Variants in HACD3 observed in about 807,000 individuals in gnomAD.
HACD3 encodes very-long-chain (3R)-3-hydroxyacyl-CoA dehydratase 3.
HACD3 carries 30 observed loss-of-function variants against 55.2 expected under a neutral mutation model. That is an observed-to-expected ratio of 0.54 (90% CI 0.41 to 0.74). HACD3 has a LOEUF of 0.74. Among genes scored for constraint, HACD3 ranks in the 30% least tolerant of loss-of-function variants. The pLI, the probability that HACD3 is intolerant of heterozygous loss-of-function variation, is 0.00. For missense variants in HACD3, 363 were observed against 440.1 expected, an observed-to-expected ratio of 0.82 and a Z score of 1.57; for synonymous variants, 141 against 151.7, an observed-to-expected ratio of 0.93 and a Z score of 0.52.
intron 1 of HACD3, among the ~76,000 whole-genome samples, chr15:65,548,149 G>A (rs761304236): frequency 6.6e-6 from 1 of 152,090 alleles, no homozygotes; most frequent in Non-Finnish European, 1.5e-5. Flanking sequence ...TAGTTGCCAG[G>A]GTCTGTGTGT....
At chr15:65,531,395 A>T (rs1334399843) in intron 1 of HACD3, 1 of 152,214 alleles carries the variant, frequency 6.6e-6, no homozygotes, top group Non-Finnish European at 1.5e-5. Flanking sequence ...AGTTACATTA[A>T]GCATTTCTGT....
At chr15:65,551,977 A>G (rs8036776) in intron 2 of HACD3, 92 of 387,924 alleles carry the variant, frequency 2.4e-4, no homozygotes, top group African/African-American at 1.7e-3. Context: ...GTTAGAAATC[A>G]GGAGACGTGT....
At chr15:65,542,648 G>A (rs1412379192) in intron 1 of HACD3, among the ~76,000 whole-genome samples, 2 of 152,150 alleles carry the variant, frequency 1.3e-5, no homozygotes, top group Non-Finnish European at 1.5e-5. Context: ...TGAATGAAAT[G>A]GTTACCGGTA....
chr15:65,552,963 A>G (rs2072150181), intron 2 of HACD3: 1 of 150,480 alleles, frequency 6.6e-6, no homozygotes, highest in South Asian at 2.1e-4. Context: ...TGTTCTTGCG[A>G]TAGTTTACTG....
intron 1 of HACD3, among the ~76,000 whole-genome samples, chr15:65,532,563 C>T (rs374952970): frequency 9.8e-4 from 146 of 148,284 alleles, no homozygotes; most frequent in African/African-American, 3.4e-3. Context: ...ACCCGGGAGG[C>T]GGAGGTTGCG....
intron 1 of HACD3, among the ~76,000 whole-genome samples, chr15:65,532,325 A>C (rs898028884): frequency 6.6e-6 from 1 of 152,146 alleles, no homozygotes; most frequent in Non-Finnish European, 1.5e-5. Context: ...TCCAGCAGTC[A>C]ATAAAAAAGT....
chr15:65,542,011 A>G (rs1222128588), intron 1 of HACD3, among the ~76,000 whole-genome samples: 1 of 152,054 alleles, frequency 6.6e-6, no homozygotes, highest in East Asian at 1.9e-4. Context: ...TGGGCAGACC[A>G]CGAGGTCAAT....
chr15:65,545,275 A>G (rs2141209136), intron 1 of HACD3, among the ~76,000 whole-genome samples: 1 of 152,316 alleles, frequency 6.6e-6, no homozygotes, highest in East Asian at 1.9e-4. Flanking sequence ...AAGTAACCAT[A>G]TCACCTATGA....
At chr15:65,538,588 A>G (rs1466246331) in intron 1 of HACD3, among the ~76,000 whole-genome samples, 1 of 152,244 alleles carries the variant, frequency 6.6e-6, no homozygotes, top group Non-Finnish European at 1.5e-5. Flanking sequence ...TTGAAATGAC[A>G]ATGAAGGGTT....
rs547210079 is a variant in HACD3 at position 65,554,165 on chromosome 15, C to T, written c.131-722C>T. Among the ~76,000 whole-genome samples the T allele has an allele frequency of 4.6e-5, 7 of 152,234 alleles. No individual in the cohort carries two copies. The South Asian group carries it at 1.5e-3, about 32-fold the overall frequency. On this transcript the variant is annotated intron_variant, in intron 2 of 10. Transcript: ENST00000261875. ...GTACCCTGCAGTCAAGATGATACAC[C>T]CACCAATTTTTGTCTGCTCTAGATT...
rs1389617906 is a variant in HACD3 at position 65,577,600 on chromosome 15, G to T, written c.*1221G>T. The stretch of plus-strand genomic sequence containing the variant: ...GCCAAACACACCTCCAAACTGTAAG[G>T]CTGTGCACAAACATAAAAAATGGCA... On this transcript the variant is annotated 3_prime_UTR_variant, in exon 11 of 11. Transcript: ENST00000261875. The T allele has an allele frequency of 6.6e-6, 1 of 152,206 alleles. No individual in the cohort carries two copies. Among genetic ancestry groups the T allele is most frequent in the Non-Finnish European group, 1.5e-5 (1 of 68,072 alleles). The allele number at this position is 152,206 out of a possible 1,614,324, so 9.4% of individuals were successfully genotyped here. A position where few individuals can be genotyped will look rare whatever the true frequency, so the allele number is the denominator to read the frequency against.
At chr15:65,564,064 C>T in intron 6 of HACD3, 151 bp from the exon 7 acceptor site, 2 of 972,630 alleles carry the variant, frequency 2.1e-6, no homozygotes, top group Non-Finnish European at 3.1e-6. Flanking sequence ...CTGCACCCTT[C>T]CTGCTTAGTT....
At chr15:65,564,427 T>C (rs2072272591) in intron 7 of HACD3, 85 bp downstream of exon 7, 1 of 1,491,094 alleles carries the variant, frequency 6.7e-7, no homozygotes, top group African/African-American at 1.4e-5. Flanking sequence ...ATTTTCATGC[T>C]GCTCATAAAG....
At chr15:65,570,428 A>G (rs763607728) in intron 8 of HACD3, among the ~76,000 whole-genome samples, 1 of 152,250 alleles carries the variant, frequency 6.6e-6, no homozygotes, top group Non-Finnish European at 1.5e-5. Flanking sequence ...GCAGAAGAGG[A>G]GAACCAGAGA....
At chr15:65,535,524 G>A (rs778544660) in intron 1 of HACD3, among the ~76,000 whole-genome samples, 3 of 152,132 alleles carry the variant, frequency 2.0e-5, no homozygotes, top group Non-Finnish European at 2.9e-5. Context: ...CAGATAATGC[G>A]GTTTTGACAA....
intron 3 of HACD3, among the ~76,000 whole-genome samples, chr15:65,555,908 A>G (rs2072184369): frequency 6.6e-6 from 1 of 152,176 alleles, no homozygotes; most frequent in Admixed American, 6.5e-5. Context: ...GTGATTGGAC[A>G]TAGTACCTTG....
intron 10 of HACD3, among the ~76,000 whole-genome samples, chr15:65,573,447 A>G (rs2072371149): frequency 6.6e-6 from 1 of 152,082 alleles, no homozygotes; most frequent in South Asian, 2.1e-4. Context: ...GTCTCTACTA[A>G]AAGTACAAAA....
intron 1 of HACD3, among the ~76,000 whole-genome samples, chr15:65,532,185 T>C (rs1404668938): frequency 2.0e-5 from 3 of 152,216 alleles, no homozygotes; most frequent in Non-Finnish European, 2.9e-5. Context: ...GGCTATACTT[T>C]TGGGTCAGAG....
intron 10 of HACD3, among the ~76,000 whole-genome samples, chr15:65,573,761 A>T (rs1019736384): frequency 6.6e-6 from 1 of 152,186 alleles, no homozygotes; most frequent in Non-Finnish European, 1.5e-5. Context: ...GAGAAAAATA[A>T]TTTTTTCCTT....
Sources: gnomAD v4.1 joint callset for allele counts (sites outside exome capture counted in the v4.1 genomes callset) on GRCh38, gnomAD v4.1.1 for gene constraint, MANE v1.5 for transcripts, NCBI Gene and HGNC (gene_info 2026-07-23, HGNC 2026-07-21) for gene names.